The following MAN1A2 variants were observed in gnomAD, a reference collection of about 807,000 sequenced individuals.
MAN1A2 encodes the protein mannosidase alpha class 1A member 2, also known as mannosyl-oligosaccharide 1,2-alpha-mannosidase IB.
Under a neutral mutation model 75.7 loss-of-function variants are expected in MAN1A2, and 26 were observed. That is an observed-to-expected ratio of 0.34 (90% CI 0.25 to 0.48). The LOEUF is 0.48. Among genes scored for constraint, MAN1A2 ranks in the 20% least tolerant of loss-of-function variants. The probability of loss-of-function intolerance (pLI) is 0.99; values close to 1 mark genes in which losing one functional copy is unlikely to be tolerated. For missense variants in MAN1A2, 562 were observed against 775.5 expected, an observed-to-expected ratio of 0.72 and a Z score of 3.27; for synonymous variants, 247 against 264.6, an observed-to-expected ratio of 0.93 and a Z score of 0.65.
intron 5 of MAN1A2, among the ~76,000 whole-genome samples, chr1:117,440,251 G>T (rs1286905186): frequency 6.6e-6 from 1 of 152,124 alleles, no homozygotes; most frequent in Non-Finnish European, 1.5e-5. Context: ...TGAGGTTTGG[G>T]AATGAGGATT....
chr1:117,458,526 T>A (rs534805343), intron 6 of MAN1A2, among the ~76,000 whole-genome samples: 1,922 of 103,408 alleles, frequency 0.019, 47 homozygotes, highest in African/African-American at 0.046. Context: ...TATATATATT[T>A]TTTTTTTTTT....
At chr1:117,440,523 T>C (rs1648996075) in intron 5 of MAN1A2, among the ~76,000 whole-genome samples, 1 of 152,122 alleles carries the variant, frequency 6.6e-6, no homozygotes, top group African/African-American at 2.4e-5. Context: ...TGTTAAAGAG[T>C]TTATATATTT....
At chr1:117,384,331 A>AT (rs1327766912) in intron 1 of MAN1A2, among the ~76,000 whole-genome samples, 6 of 151,888 alleles carry the variant, frequency 4.0e-5, no homozygotes. Flanking sequence ...ATTTATCTGT[A>AT]TTTTCTAATT....
At chr1:117,438,485 T>A (rs1648922712) in intron 5 of MAN1A2, among the ~76,000 whole-genome samples, 1 of 152,188 alleles carries the variant, frequency 6.6e-6, no homozygotes, top group Admixed American at 6.5e-5. Flanking sequence ...AATAAATTAG[T>A]GTAGCCTAAG....
intron 12 of MAN1A2, among the ~76,000 whole-genome samples, chr1:117,518,493 G>C (rs777591694): frequency 6.6e-6 from 1 of 151,728 alleles, no homozygotes; most frequent in Non-Finnish European, 1.5e-5. Context: ...GCGAAAGAAA[G>C]TGAAATTGAT....
chr1:117,486,901 TA>T (rs1037482664), intron 8 of MAN1A2, among the ~76,000 whole-genome samples: 2 of 151,470 alleles, frequency 1.3e-5, no homozygotes, highest in African/African-American at 4.8e-5. Context: ...AACAAACAAA[TA>T]AAAAAAAGAC....
At chr1:117,483,963 A>G (rs1451158209) in intron 8 of MAN1A2, among the ~76,000 whole-genome samples, 2 of 151,772 alleles carry the variant, frequency 1.3e-5, no homozygotes, top group Admixed American at 6.6e-5. Flanking sequence ...GGGATTTTGC[A>G]TCAACTTTTA....
chr1:117,379,941 T>C (rs768577596), intron 1 of MAN1A2, among the ~76,000 whole-genome samples: 4 of 152,210 alleles, frequency 2.6e-5, no homozygotes, highest in Non-Finnish European at 5.9e-5. Context: ...ATAGTGTTGC[T>C]GTGAACATTT....
chr1:117,454,964 C>T (rs1279861800), intron 6 of MAN1A2, among the ~76,000 whole-genome samples: 1 of 152,014 alleles, frequency 6.6e-6, no homozygotes, highest in Non-Finnish European at 1.5e-5. Context: ...CTAAAAACTA[C>T]TGAATCCAAA....
rs143279166 is a variant in MAN1A2, at chr1:117,463,377, C to T, written c.1074+2765C>T. On this transcript the variant is annotated intron_variant, in intron 7 of 12. Transcript: ENST00000356554. ...TTGCCAGGGAGACCAGTGCCCAGGG[C>T]GTCAAATATGTAATTGCCTACAGCT... Among the ~76,000 whole-genome samples, 613 of 152,036 alleles carry T rather than the reference C, an allele frequency of 4.0e-3. 3 individuals carry two copies. The highest frequency in any genetic ancestry group is 0.014 in the African/African-American group (586 of 41,470).
At chr1:117,464,931 C>A (rs1649937374) in intron 7 of MAN1A2, among the ~76,000 whole-genome samples, 1 of 151,732 alleles carries the variant, frequency 6.6e-6, no homozygotes, top group Non-Finnish European at 1.5e-5. Context: ...AAAGATATTA[C>A]CAGAAAAAAG....
At chr1:117,430,101 C>T (rs1366674653) in intron 5 of MAN1A2, among the ~76,000 whole-genome samples, 3 of 54,262 alleles carry the variant, frequency 5.5e-5, no homozygotes, top group African/African-American at 1.8e-4. Flanking sequence ...CCATCTCCCT[C>T]CCGGACGGGG....
chr1:117,407,432 G>T lies in MAN1A2; in HGVS notation c.655+1787G>T, dbSNP rs140799179. 7.2e-4 allele frequency among the ~76,000 whole-genome samples: 110 copies of T among 151,756 alleles called. 1 individual carries two copies. The highest frequency in any genetic ancestry group is 2.6e-3 in the African/African-American group (108 of 41,374). ...AACAGTAAAAGTCTAAGAGAAGCGT[G>T]GTAAGTAGTTCTCAGTGTCTCATTT... On this transcript the variant is annotated intron_variant, in intron 3 of 12. Transcript: ENST00000356554.
intron 3 of MAN1A2, 54 bp downstream of exon 3, chr1:117,405,699 A>G: frequency 1.0e-6 from 1 of 970,136 alleles, no homozygotes; most frequent in Non-Finnish European, 1.7e-6. Flanking sequence ...ATCTTTTAAA[A>G]CAAGATGTAA....
intron 3 of MAN1A2, among the ~76,000 whole-genome samples, chr1:117,406,429 A>C (rs1159827310): frequency 4.6e-5 from 7 of 152,160 alleles, no homozygotes; most frequent in Non-Finnish European, 1.0e-4. Context: ...ATCTGATTTT[A>C]TTACCTGTAG....
intron 3 of MAN1A2, among the ~76,000 whole-genome samples, chr1:117,411,170 G>C (rs548067324): frequency 1.3e-5 from 2 of 151,764 alleles, no homozygotes; most frequent in East Asian, 3.9e-4. Context: ...CAAGTTGAAG[G>C]ATTTGCACTA....
At chr1:117,476,689 A>C (rs913491195) in intron 8 of MAN1A2, among the ~76,000 whole-genome samples, 5 of 151,902 alleles carry the variant, frequency 3.3e-5, no homozygotes, top group African/African-American at 1.2e-4. Flanking sequence ...GTTATTTCTG[A>C]GGCCTCTGTT....
chr1:117,470,609 A>G (rs1650119112), intron 8 of MAN1A2, among the ~76,000 whole-genome samples: 1 of 152,058 alleles, frequency 6.6e-6, no homozygotes, highest in Admixed American at 6.6e-5. Flanking sequence ...TCAGTGTTAT[A>G]GAAAGAGCTA....
At chr1:117,436,725 G>A (rs1648862094) in intron 5 of MAN1A2, among the ~76,000 whole-genome samples, 1 of 152,178 alleles carries the variant, frequency 6.6e-6, no homozygotes, top group Non-Finnish European at 1.5e-5. Context: ...GTGTGTACAG[G>A]CATTCATCAT....
Sources: gnomAD v4.1 joint callset for allele counts (sites outside exome capture counted in the v4.1 genomes callset) on GRCh38, gnomAD v4.1.1 for gene constraint, MANE v1.5 for transcripts, NCBI Gene and HGNC (gene_info 2026-07-23, HGNC 2026-07-21) for gene names.